The following FER1L5 variants were observed in gnomAD, a reference collection of about 807,000 sequenced individuals.
FER1L5 encodes fer-1 like family member 5, also known as fer-1-like protein 5.
FER1L5 carries 187 observed loss-of-function variants against 279.9 expected under a neutral mutation model. The ratio of observed to expected loss-of-function variants is 0.67; its 90% CI spans 0.59 to 0.75. The LOEUF (loss-of-function observed/expected upper bound fraction) is 0.75. FER1L5 is among the 30% of genes least tolerant of loss of function. The probability of loss-of-function intolerance (pLI) is 0.00; values close to 1 mark genes in which losing one functional copy is unlikely to be tolerated. For missense variants in FER1L5, 2,091 were observed against 2,594.4 expected (o/e 0.81, Z 4.21); for synonymous variants, 921 against 989.7 (o/e 0.93, Z 1.30).
chr2:96,698,945 G>A lies in FER1L5; in HGVS notation c.4519-100G>A. 6.5e-7 allele frequency: 1 copy of A among 1,529,808 alleles called. No homozygotes were observed. The highest frequency in any genetic ancestry group is 8.9e-7 in the Non-Finnish European group (1 of 1,128,324). 94.8% of individuals were successfully genotyped at this position (1,529,808 alleles called of 1,614,324 possible). ...AATGCCAACTCCCCATAGGCTCCGT[G>A]TGGTGCGAGGGGCTTGTTTCCACCC... is the stretch of plus-strand genomic sequence containing the variant. On this transcript the variant is annotated intron_variant, in intron 41 of 52. Transcript: ENST00000624922. This position sits in a 1 kb window ranked among gnomAD's most constrained non-coding sequence, Gnocchi z 5.5.
In FER1L5 at chr2:96,698,275, G is replaced by A. The variant is rs903908243; in HGVS notation, c.4356+119G>A. The A allele has an allele frequency of 4.0e-5, 55 of 1,387,726 alleles. No individual in the cohort carries two copies. Among genetic ancestry groups the A allele is most frequent in the South Asian group, 7.5e-5 (5 of 67,048 alleles). 86.0% of individuals were successfully genotyped at this position (1,387,726 alleles called of 1,614,324 possible). A position where few individuals can be genotyped will look rare whatever the true frequency, so the allele number is the denominator to read the frequency against. On this transcript the variant is annotated intron_variant, in intron 40 of 52. Coordinates refer to ENST00000624922, the MANE Select transcript of FER1L5 (RefSeq NM_001293083.2). This position sits in a 1 kb window ranked among gnomAD's most constrained non-coding sequence, Gnocchi z 5.5. Reference sequence around the variant, plus strand: ...TGAAGATGGAGCAGGGCTTGAGAACGTTCTGGGAGTGGAGGAGCAGAGATT... The same window carrying A: ...TGAAGATGGAGCAGGGCTTGAGAACATTCTGGGAGTGGAGGAGCAGAGATT...
At chr2:96,652,365 C>A in intron 7 of FER1L5, 1 of 291,688 alleles carries the variant, frequency 3.4e-6, no homozygotes, top group Non-Finnish European at 6.7e-6. Context: ...CAAATTGTAG[C>A]ACTGTGCCTG....
rs1039624646 is a variant in FER1L5, at chr2:96,687,798, G to C, written c.2230-18G>C. The C allele has an allele frequency of 6.5e-7, 1 of 1,546,712 alleles. No homozygotes were observed. Among genetic ancestry groups the C allele is most frequent in the Non-Finnish European group, 8.7e-7 (1 of 1,143,780 alleles). On this transcript the variant is annotated intron_variant, in intron 23 of 52. Transcript: ENST00000624922. ...GGGTGTTTAGTGCCCCTGTGGGACC[G>C]ATCGGCCTCTGGCTCAGTACCCAGA...
rs749485474 is a variant in FER1L5, at chr2:96,661,725, G to A, written c.952G>A (p.Ala318Thr). 6.4e-7 allele frequency: 1 copy of A among 1,551,724 alleles called. No individual in the cohort carries two copies. Among genetic ancestry groups the A allele is most frequent in the Admixed American group, 2.0e-5 (1 of 51,004 alleles). ...CACCGATATTCAGATCTTCAAGTCA[G>A]CGGTAGTCCCGATCAACATGGCTTA... is the stretch of plus-strand genomic sequence containing the variant. ...DDTDIQIFKS[A>T]VVPINMAYLQ... The change falls in exon 12 of 53, where the codon GCG becomes ACG. Residue 318 changes from alanine (A) to threonine (T), a missense_variant. Coordinates refer to ENST00000624922, the MANE Select transcript of FER1L5 (RefSeq NM_001293083.2).
At chr2:96,701,860 C>T (rs1469317310) in intron 45 of FER1L5, 95 bp from the exon 46 acceptor site, 1 of 1,240,950 alleles carries the variant, frequency 8.1e-7, no homozygotes, top group Non-Finnish European at 1.2e-6. Flanking sequence ...AACACAACCT[C>T]AACAGACCTC....
At position 96,651,962 on chromosome 2, in the gene FER1L5, T is replaced by C. The variant is rs1230374052; in HGVS notation, c.575T>C (p.Ile192Thr). ...ATCAAACCAGTGGTGAAGGTGTCCA[T>C]CGCAGGCCAGCAGCACCAGACACGC... is the stretch of plus-strand genomic sequence containing the variant. ...NNIKPVVKVSIAGQQHQTRIK... is the reference protein window; with the variant it reads ...NNIKPVVKVSTAGQQHQTRIK... The change falls in exon 7 of 53, where the codon ATC (isoleucine) becomes ACC (threonine). Residue 192 changes from isoleucine to threonine, a missense_variant. Ile to Thr is a moderately conservative substitution (Grantham distance 89). Coordinates refer to ENST00000624922, the MANE Select transcript of FER1L5 (RefSeq NM_001293083.2). 1.4e-5 allele frequency: 21 copies of C among 1,551,760 alleles called. No individual in the cohort carries two copies. Among genetic ancestry groups the C allele is most frequent in the Non-Finnish European group, 1.7e-5 (20 of 1,147,026 alleles).
chr2:96,672,813 GGGA>G (rs2076376970), intron 18 of FER1L5, among the ~76,000 whole-genome samples: 1 of 152,124 alleles, frequency 6.6e-6, no homozygotes, highest in African/African-American at 2.4e-5. Flanking sequence ...ACCCTAACAA[GGGA>G]GGAGACCACC....
At chr2:96,643,128 T>C (rs1197431851) in intron 1 of FER1L5, among the ~76,000 whole-genome samples, 1 of 152,086 alleles carries the variant, frequency 6.6e-6, no homozygotes, top group Admixed American at 6.6e-5. Flanking sequence ...GGAATGGCTA[T>C]GGAAAAAAGA....
chr2:96,685,283 T>C, intron 20 of FER1L5, 46 bp from the exon 21 acceptor site: 1 of 1,513,098 alleles, frequency 6.6e-7, no homozygotes, highest in South Asian at 1.2e-5. Context: ...CCAGCTGGGC[T>C]CCATGCTGAG....
intron 19 of FER1L5, 32 bp from the exon 20 acceptor site, chr2:96,684,295 A>T (rs1354997724): frequency 6.5e-7 from 1 of 1,543,742 alleles, no homozygotes; most frequent in Admixed American, 2.0e-5. Flanking sequence ...TCCCCCAGAC[A>T]CCCCATCCCT....
At position 96,704,624 on chromosome 2, in the gene FER1L5, A is replaced by G. The variant is rs759490424; in HGVS notation, c.6106A>G (p.Lys2036Glu). 2 of 1,613,982 alleles carry G rather than the reference A, an allele frequency of 1.2e-6. No individual in the cohort carries two copies. The highest frequency in any genetic ancestry group is 2.2e-5 in the East Asian group (1 of 44,892). ...NLKPTIDHEW[K>E]LHPGPTNHLS... ...AAAGCCTACAATAGACCATGAGTGG[A>G]AACTCCACCCAGGACCCACAAATCA... The change falls in exon 53 of 53, where the codon AAA becomes GAA. Residue 2036 changes from lysine to glutamate, a missense_variant. Lys to Glu is a moderately conservative substitution (Grantham distance 56). Coordinates refer to ENST00000624922, the MANE Select transcript of FER1L5 (RefSeq NM_001293083.2).
At position 96,702,240 on chromosome 2, in the gene FER1L5, T is replaced by G. The variant is rs1364124330; in HGVS notation, c.5160-66T>G. Reference sequence around the variant, plus strand: ...CACAGGGCAGCCTCCCAGGCTTCTCTGCCCTCACTGAGGCTGCAGCTGGGG... The same window carrying G: ...CACAGGGCAGCCTCCCAGGCTTCTCGGCCCTCACTGAGGCTGCAGCTGGGG... On this transcript the variant is annotated intron_variant, in intron 46 of 52. Coordinates refer to ENST00000624922, the MANE Select transcript of FER1L5 (RefSeq NM_001293083.2). This position sits in a 1 kb window ranked among gnomAD's most constrained non-coding sequence, Gnocchi z 4.0. 1.1e-5 allele frequency: 17 copies of G among 1,579,698 alleles called. No individual in the cohort carries two copies. Among genetic ancestry groups the G allele is most frequent in the African/African-American group, 1.4e-5 (1 of 74,036 alleles).
At chr2:96,660,281 G>C in intron 9 of FER1L5, 60 bp from the exon 10 acceptor site, 1 of 1,539,052 alleles carries the variant, frequency 6.5e-7, no homozygotes, top group Non-Finnish European at 8.8e-7. Context: ...CAGGTTAGTT[G>C]GTATTACAAA....
chr2:96,697,972 T>C (rs1413079192), intron 39 of FER1L5, 65 bp from the exon 40 acceptor site: 1 of 1,519,032 alleles, frequency 6.6e-7, no homozygotes, highest in Non-Finnish European at 8.9e-7. Context: ...TGGGAGCTGG[T>C]GGTCCCTCCA....
intron 9 of FER1L5, among the ~76,000 whole-genome samples, chr2:96,658,823 A>C (rs1457914899): frequency 6.6e-5 from 10 of 152,136 alleles, no homozygotes; most frequent in Admixed American, 6.5e-4. Context: ...TCTTTGGTGA[A>C]GTGACTGTTC....
chr2:96,683,618 C>T (rs1211903743), intron 19 of FER1L5, among the ~76,000 whole-genome samples: 1 of 152,008 alleles, frequency 6.6e-6, no homozygotes, highest in Non-Finnish European at 1.5e-5. Flanking sequence ...AGACTGCCCA[C>T]CTGGTCAGCC....
At chr2:96,678,706 T>G (rs182871797) in intron 19 of FER1L5, among the ~76,000 whole-genome samples, 5 of 152,372 alleles carry the variant, frequency 3.3e-5, no homozygotes, top group Non-Finnish European at 5.9e-5. Flanking sequence ...GTGCTGGGAT[T>G]ACAGGCATGA....
At chr2:96,696,153 C>A in intron 37 of FER1L5, 76 bp downstream of exon 37, 1 of 1,587,150 alleles carries the variant, frequency 6.3e-7, no homozygotes. Flanking sequence ...GAGGGGTGTC[C>A]ATTAAACAGT....
chr2:96,698,002 G>C lies in FER1L5; in HGVS notation c.4237-35G>C. On this transcript the variant is annotated intron_variant, in intron 39 of 52. Transcript: ENST00000624922. This position sits in a 1 kb window ranked among gnomAD's most constrained non-coding sequence, Gnocchi z 5.5. ...CCTCCATCTCCTAATCACGGGAACA[G>C]TCTCCACCAGCCAGGGTTCCACACA... is the stretch of plus-strand genomic sequence containing the variant. The C allele has an allele frequency of 6.5e-7, 1 of 1,543,396 alleles. No individual in the cohort carries two copies. The highest frequency in any genetic ancestry group is 8.8e-7 in the Non-Finnish European group (1 of 1,142,756).
Sources: gnomAD v4.1 joint callset for allele counts (sites outside exome capture counted in the v4.1 genomes callset) on GRCh38, gnomAD v4.1.1 for gene constraint, Gnocchi (gnomAD v3.1) non-coding constraint, MANE v1.5 for transcripts, NCBI Gene and HGNC (gene_info 2026-07-23, HGNC 2026-07-21) for gene names.